RABGAP1L: variants seen among roughly 807,000 people sequenced by gnomAD.
The protein encoded by RABGAP1L is RAB GTPase activating protein 1 like.
RABGAP1L carries 63 observed loss-of-function variants against 137.7 expected under a neutral mutation model. That is an observed-to-expected ratio of 0.46 (90% confidence interval 0.37 to 0.56). The LOEUF (loss-of-function observed/expected upper bound fraction) is 0.56. Ranked by LOEUF, RABGAP1L falls within the 20% of genes least tolerant of loss-of-function variation. The pLI, the probability that RABGAP1L is intolerant of heterozygous loss-of-function variation, is 0.00. For missense variants in RABGAP1L, 1,095 were observed against 1,244.0 expected (o/e 0.88, Z 1.80); for synonymous variants, 431 against 433.7 (o/e 0.99, Z 0.08).
chr1:174,637,618 G>A (rs933683648), intron 14 of RABGAP1L, 130 bp downstream of exon 14: 17 of 674,112 alleles, frequency 2.5e-5, no homozygotes, highest in East Asian at 5.5e-5. Flanking sequence ...TTGCACACAC[G>A]CTATGAGATC....
At chr1:174,815,357 G>T (rs1484424444) in intron 19 of RABGAP1L, among the ~76,000 whole-genome samples, 1 of 152,184 alleles carries the variant, frequency 6.6e-6, no homozygotes, top group Admixed American at 6.5e-5. Context: ...GTGACTGCAG[G>T]CATGGAATAG....
chr1:174,289,885 G>A (rs954620868), intron 10 of RABGAP1L, among the ~76,000 whole-genome samples: 4 of 152,192 alleles, frequency 2.6e-5, no homozygotes, highest in East Asian at 1.9e-4. Flanking sequence ...GGGGTTGCTG[G>A]CTGGGCTCTA....
At chr1:174,728,620 TGGAG>T (rs1682199966) in intron 17 of RABGAP1L, among the ~76,000 whole-genome samples, 1 of 126,982 alleles carries the variant, frequency 7.9e-6, no homozygotes. Flanking sequence ...TTTTTTGAGA[TGGAG>T]TCTCACTGTG....
chr1:174,905,195 C>A (rs1311648664), intron 19 of RABGAP1L, among the ~76,000 whole-genome samples: 1 of 152,148 alleles, frequency 6.6e-6, no homozygotes, highest in Non-Finnish European at 1.5e-5. Context: ...AAATAAATAA[C>A]TAATTCTTCA....
Position 174,415,281 on chromosome 1 carries a change from A to G in RABGAP1L, c.1710+21136A>G, listed in dbSNP as rs144955186. Among the ~76,000 whole-genome samples the G allele has an allele frequency of 7.8e-3, 1,180 of 152,168 alleles. 11 individuals are homozygous for G. The highest frequency in any genetic ancestry group is 0.026 in the African/African-American group (1,090 of 41,534). ...TTTACATTTTCTAGATTAACAATTTATTTTATCAGTAATACTTCCATTAAG... is the reference window on the plus strand; with the variant it reads ...TTTACATTTTCTAGATTAACAATTTGTTTTATCAGTAATACTTCCATTAAG... On this transcript the variant is annotated intron_variant, in intron 13 of 25. Transcript: ENST00000681986.
chr1:174,853,808 A>T (rs1648801018), intron 19 of RABGAP1L, among the ~76,000 whole-genome samples: 1 of 152,230 alleles, frequency 6.6e-6, no homozygotes, highest in Non-Finnish European at 1.5e-5. Flanking sequence ...CTATTTTCTA[A>T]GCTATCTCTT....
At chr1:174,446,031 T>C (rs1244525235) in intron 13 of RABGAP1L, among the ~76,000 whole-genome samples, 3 of 152,182 alleles carry the variant, frequency 2.0e-5, no homozygotes, top group African/African-American at 7.2e-5. Context: ...TGCTGTTGAT[T>C]GGGGCAGGAG....
At chr1:174,327,990 T>TATATATATATATATATACACACACAC in intron 11 of RABGAP1L, among the ~76,000 whole-genome samples, 1 of 36,364 alleles carries the variant, frequency 2.7e-5, no homozygotes, top group South Asian at 7.5e-4. Context: ...CACACACATA[T>TATATATATATATATATACACACACAC]ATATATATAT....
intron 17 of RABGAP1L, among the ~76,000 whole-genome samples, chr1:174,742,505 A>T (rs1419755297): frequency 6.6e-6 from 1 of 152,236 alleles, no homozygotes; most frequent in Non-Finnish European, 1.5e-5. Flanking sequence ...CGACAGAGCA[A>T]GACTTCATTT....
intron 18 of RABGAP1L, among the ~76,000 whole-genome samples, chr1:174,808,389 G>A (rs965611436): frequency 6.6e-6 from 1 of 152,058 alleles, no homozygotes; most frequent in Non-Finnish European, 1.5e-5. Flanking sequence ...AGGAGTTCGA[G>A]GCTGCAGTGA....
chr1:174,286,828 C>T (rs1676094736), intron 10 of RABGAP1L, among the ~76,000 whole-genome samples: 1 of 151,974 alleles, frequency 6.6e-6, no homozygotes, highest in Admixed American at 6.5e-5. Flanking sequence ...TCTTTAGTTT[C>T]TATATATCTG....
intron 21 of RABGAP1L, among the ~76,000 whole-genome samples, chr1:174,975,039 C>T (rs1670527867): frequency 6.6e-6 from 1 of 152,260 alleles, no homozygotes; most frequent in Non-Finnish European, 1.5e-5. Flanking sequence ...CTGAACTCAT[C>T]CTGTGGCCTT....
In RABGAP1L at chr1:174,786,959, A is replaced by G. The variant is rs539324090; in HGVS notation, c.2212-24873A>G. On this transcript the variant is annotated intron_variant, in intron 18 of 25. Transcript: ENST00000681986. Reference sequence around the variant, plus strand: ...GGGTACTAGAGGTGCGAAAATGAATATGTTGTGTGGTTAATCTCAGAGTTT... The same window carrying G: ...GGGTACTAGAGGTGCGAAAATGAATGTGTTGTGTGGTTAATCTCAGAGTTT... Among the ~76,000 whole-genome samples the G allele has an allele frequency of 1.2e-3, 189 of 152,318 alleles. 1 individual carries two copies. The highest frequency in any genetic ancestry group is 4.5e-3 in the African/African-American group (187 of 41,572).
chr1:174,807,236 A>G (rs1465724611), intron 18 of RABGAP1L, among the ~76,000 whole-genome samples: 1 of 152,234 alleles, frequency 6.6e-6, no homozygotes, highest in African/African-American at 2.4e-5. Context: ...CAGACCTTAT[A>G]TTAGGCTTTT....
chr1:174,176,576 G>C (rs1665870113), intron 1 of RABGAP1L, among the ~76,000 whole-genome samples: 2 of 151,692 alleles, frequency 1.3e-5, no homozygotes. Context: ...GCCAGGCATG[G>C]TGGCACATGC....
At chr1:174,797,885 C>T (rs891951763) in intron 18 of RABGAP1L, among the ~76,000 whole-genome samples, 4 of 152,000 alleles carry the variant, frequency 2.6e-5, no homozygotes, top group Non-Finnish European at 5.9e-5. Flanking sequence ...TTTGTATATA[C>T]GTAATATTCT....
At chr1:174,660,482 T>C (rs543460147) in intron 14 of RABGAP1L, among the ~76,000 whole-genome samples, 6 of 152,308 alleles carry the variant, frequency 3.9e-5, no homozygotes, top group African/African-American at 1.2e-4. Flanking sequence ...CAGAATCTTA[T>C]TATTTCTTGC....
At chr1:174,612,467 A>C (rs1220440746) in intron 13 of RABGAP1L, among the ~76,000 whole-genome samples, 1 of 152,176 alleles carries the variant, frequency 6.6e-6, no homozygotes, top group Non-Finnish European at 1.5e-5. Flanking sequence ...CCAGTATTTT[A>C]TTCAGGATTT....
chr1:174,400,351 A>G (rs1057342806), intron 13 of RABGAP1L, among the ~76,000 whole-genome samples: 4 of 152,088 alleles, frequency 2.6e-5, no homozygotes, highest in African/African-American at 9.7e-5. Context: ...GCAATTGATT[A>G]ATGTCTGCTT....
Sources: allele counts gnomAD v4.1 joint callset (sites outside exome capture counted in the v4.1 genomes callset), GRCh38; gene constraint gnomAD v4.1.1; transcripts MANE v1.5; gene names NCBI Gene and HGNC (gene_info 2026-07-23, HGNC 2026-07-21).